The following GPC6 variants were observed in gnomAD, a reference collection of about 807,000 sequenced individuals.
The protein encoded by GPC6 is glypican-6.
GPC6 carries 14 observed loss-of-function variants against 55.2 expected under a neutral mutation model. The observed-to-expected ratio is 0.25, with a 90% CI of 0.17 to 0.40. The LOEUF (loss-of-function observed/expected upper bound fraction) is 0.40. Among genes scored for constraint, GPC6 ranks in the 10% least tolerant of loss-of-function variants. The probability of loss-of-function intolerance (pLI) is 1.00; values close to 1 mark genes in which losing one functional copy is unlikely to be tolerated. For synonymous variants in GPC6, 278 were observed against 259.6 expected (o/e 1.07, Z -0.68); for missense variants, 641 against 708.5 (o/e 0.90, Z 1.08).
intron 1 of GPC6, among the ~76,000 whole-genome samples, chr13:93,516,694 A>G (rs1594229828): frequency 6.6e-6 from 1 of 152,172 alleles, no homozygotes; most frequent in African/African-American, 2.4e-5. Context: ...AAACAAAACC[A>G]AAAAGGTATT....
chr13:93,458,237 A>G (rs531709057), intron 1 of GPC6, among the ~76,000 whole-genome samples: 1 of 152,292 alleles, frequency 6.6e-6, no homozygotes, highest in Admixed American at 6.5e-5. Flanking sequence ...GTAACTTTCT[A>G]TATGGTCTTT....
chr13:94,273,825 C>A (rs1481876519), intron 4 of GPC6, among the ~76,000 whole-genome samples: 2 of 152,104 alleles, frequency 1.3e-5, no homozygotes, highest in African/African-American at 2.4e-5. Flanking sequence ...AACTCTTTAC[C>A]CCTTAAATTC....
At chr13:94,316,202 T>G (rs1009161920) in intron 6 of GPC6, among the ~76,000 whole-genome samples, 4 of 152,108 alleles carry the variant, frequency 2.6e-5, no homozygotes, top group Non-Finnish European at 4.4e-5. Context: ...CTAGGAGAAA[T>G]CTAAGTTCTT....
intron 1 of GPC6, among the ~76,000 whole-genome samples, chr13:93,370,348 T>G (rs1391948540): frequency 6.6e-6 from 1 of 152,124 alleles, no homozygotes; most frequent in African/African-American, 2.4e-5. Flanking sequence ...AACTTAAATT[T>G]TCCCTTTTCT....
chr13:93,227,516 C>CA lies in GPC6; in HGVS notation c.60_61insA (p.Ala21SerfsTer64). 6.2e-7 allele frequency: 1 copy of CA among 1,613,876 alleles called. No homozygotes were observed. The highest frequency in any genetic ancestry group is 8.5e-7 in the Non-Finnish European group (1 of 1,179,802). ...TCTTGGGGCTGCTGCTCTCCCTCCC[C>CA]GCCGGGGCGGATGTGAAGGCTCGGA... is the stretch of plus-strand genomic sequence containing the variant. On this transcript the variant is annotated frameshift_variant, in exon 1 of 9. Coordinates refer to ENST00000377047, the MANE Select transcript of GPC6 (RefSeq NM_005708.5). LOFTEE classifies it high-confidence loss of function. This position sits in a 1 kb window ranked among gnomAD's most constrained non-coding sequence, Gnocchi z 4.3.
intron 4 of GPC6, among the ~76,000 whole-genome samples, chr13:94,074,743 C>T (rs1240475750): frequency 1.3e-5 from 2 of 152,172 alleles, no homozygotes; most frequent in Admixed American, 1.3e-4. Context: ...ACCAAAATGA[C>T]TACATTTCTG....
intron 1 of GPC6, among the ~76,000 whole-genome samples, chr13:93,276,493 A>AGTGTGTGTGTGT (rs775217548): frequency 1.1e-5 from 1 of 92,912 alleles, no homozygotes; most frequent in Non-Finnish European, 2.2e-5. Context: ...AGAGAGAGAG[A>AGTGTGTGTGTGT]GAGTGTGTGT....
intron 6 of GPC6, among the ~76,000 whole-genome samples, chr13:94,328,710 C>T (rs527242153): frequency 4.6e-5 from 7 of 152,324 alleles, no homozygotes; most frequent in African/African-American, 1.7e-4. Context: ...AGTCACTGCA[C>T]TGAGTATTTC....
chr13:93,520,169 G>C (rs934039412), intron 1 of GPC6, among the ~76,000 whole-genome samples: 1 of 151,920 alleles, frequency 6.6e-6, no homozygotes, highest in African/African-American at 2.4e-5. Flanking sequence ...TTAGAAGCAA[G>C]TTAAAATATT....
intron 2 of GPC6, among the ~76,000 whole-genome samples, chr13:93,809,927 T>G (rs549242112): frequency 6.6e-6 from 1 of 152,176 alleles, no homozygotes; most frequent in African/African-American, 2.4e-5. Context: ...TAATTTACAT[T>G]CCTTGCTCTT....
chr13:93,403,784 T>C (rs558279609), intron 1 of GPC6, among the ~76,000 whole-genome samples: 7 of 152,102 alleles, frequency 4.6e-5, no homozygotes, highest in African/African-American at 7.2e-5. Context: ...TAATTTTTTT[T>C]TCTCTCTCTC....
chr13:93,271,250 C>T (rs1877513486), intron 1 of GPC6, among the ~76,000 whole-genome samples: 3 of 152,110 alleles, frequency 2.0e-5, no homozygotes, highest in Admixed American at 6.5e-5. Flanking sequence ...TATCTCTTGA[C>T]CTTTATCTTC....
intron 4 of GPC6, among the ~76,000 whole-genome samples, chr13:94,081,991 C>T (rs530322763): frequency 1.3e-4 from 20 of 152,092 alleles, no homozygotes; most frequent in African/African-American, 4.8e-4. Flanking sequence ...CAGGCATCCA[C>T]CACCACGCCT....
chr13:93,986,321 C>G lies in GPC6; in HGVS notation c.712-41408C>G, dbSNP rs1348963736. Among the ~76,000 whole-genome samples the G allele has an allele frequency of 2.0e-5, 3 of 152,106 alleles. No individual in the cohort carries two copies. In the South Asian group the frequency reaches 6.2e-4, roughly 32 times the overall value. On this transcript the variant is annotated intron_variant, in intron 3 of 8. Coordinates refer to ENST00000377047, the MANE Select transcript of GPC6 (RefSeq NM_005708.5). ...TTAGACATTCAACTCTGTGATCTTA[C>G]AGATAGTTCACCAAATGCATTTCAA...
intron 3 of GPC6, among the ~76,000 whole-genome samples, chr13:93,957,835 C>T (rs768885757): frequency 3.0e-4 from 45 of 152,238 alleles, no homozygotes; most frequent in Non-Finnish European, 5.7e-4. Flanking sequence ...TTTACATTCC[C>T]AGCAGCAGTG....
At chr13:93,508,212 T>C (rs1213713175) in intron 1 of GPC6, among the ~76,000 whole-genome samples, 1 of 152,242 alleles carries the variant, frequency 6.6e-6, no homozygotes, top group Non-Finnish European at 1.5e-5. Context: ...GATAGTCCAT[T>C]GGAAAACAAC....
rs552558057 is a variant in GPC6 at position 94,345,899 on chromosome 13, G to A, written c.1153-36515G>A. On this transcript the variant is annotated intron_variant, in intron 6 of 8. Transcript: ENST00000377047. ...AATTAAGGTAGCAGCAGAAGCATGC[G>A]CCCCCTGAAGGATCTAGGGGAGAGT... 6.6e-5 allele frequency among the ~76,000 whole-genome samples: 10 copies of A among 152,230 alleles called. No individual in the cohort carries two copies. The East Asian group carries it at 1.5e-3, about 24-fold the overall frequency.
chr13:93,247,266 C>T (rs1205832743), intron 1 of GPC6, among the ~76,000 whole-genome samples: 1 of 152,090 alleles, frequency 6.6e-6, no homozygotes, highest in African/African-American at 2.4e-5. Flanking sequence ...TTATCTTTGA[C>T]CTCTGTTTTC....
At chr13:93,953,653 A>C (rs1195570854) in intron 3 of GPC6, among the ~76,000 whole-genome samples, 1 of 152,218 alleles carries the variant, frequency 6.6e-6, no homozygotes, top group Admixed American at 6.5e-5. Context: ...CAAATCATAA[A>C]GTCAGAGAAT....
Sources: gnomAD v4.1 joint callset for allele counts (sites outside exome capture counted in the v4.1 genomes callset) on GRCh38, gnomAD v4.1.1 for gene constraint, Gnocchi (gnomAD v3.1) non-coding constraint, MANE v1.5 for transcripts, NCBI Gene and HGNC (gene_info 2026-07-23, HGNC 2026-07-21) for gene names.